The following LRP1B variants were observed in gnomAD, a reference collection of about 807,000 sequenced individuals.
The protein encoded by LRP1B is LDL receptor related protein 1B.
A neutral mutation model predicts 556.6 loss-of-function variants in LRP1B; 217 were observed. The observed-to-expected ratio is 0.39, with a 90% CI of 0.35 to 0.44. The LOEUF is 0.44. Ranked by LOEUF, LRP1B falls within the 20% of genes least tolerant of loss-of-function variation. The pLI, the probability that LRP1B is intolerant of heterozygous loss-of-function variation, is 1.00. For missense variants in LRP1B, 5,053 were observed against 5,620.8 expected (o/e 0.90, Z 3.23); for synonymous variants, 2,047 against 1,865.8 (o/e 1.10, Z -2.50).
intron 41 of LRP1B, among the ~76,000 whole-genome samples, chr2:140,688,980 G>A (rs1029480736): frequency 6.6e-6 from 1 of 152,190 alleles, no homozygotes; most frequent in African/African-American, 2.4e-5. Context: ...GTTGTTTTAA[G>A]TCACTGAATT....
Position 140,503,796 on chromosome 2 carries a change from C to T in LRP1B, c.8522-693G>A, listed in dbSNP as rs542043921. ...TTGTCAACTATAAAAACAGTTATTCCTAGTAGAACTTTCTGATAAATATGG... is the reference window on the plus strand; with the variant it reads ...TTGTCAACTATAAAAACAGTTATTCTTAGTAGAACTTTCTGATAAATATGG... On this transcript the variant is annotated intron_variant, in intron 53 of 90. Transcript: ENST00000389484. Among the ~76,000 whole-genome samples the T allele has an allele frequency of 2.0e-5, 3 of 152,002 alleles. No individual in the cohort carries two copies. The East Asian group carries it at 5.8e-4, about 29-fold the overall frequency.
At chr2:140,355,963 C>T (rs1195580973) in intron 75 of LRP1B, among the ~76,000 whole-genome samples, 2 of 151,784 alleles carry the variant, frequency 1.3e-5, no homozygotes, top group Admixed American at 1.3e-4. Context: ...TTACCTATTC[C>T]AGTATTGCAA....
chr2:141,521,070 T>C (rs566161163), intron 2 of LRP1B, among the ~76,000 whole-genome samples: 1 of 152,208 alleles, frequency 6.6e-6, no homozygotes, highest in Non-Finnish European at 1.5e-5. Flanking sequence ...ACAATCAACC[T>C]TAATAGAAAA....
At chr2:140,666,122 T>C (rs1032587303) in intron 41 of LRP1B, among the ~76,000 whole-genome samples, 14 of 151,828 alleles carry the variant, frequency 9.2e-5, no homozygotes, top group Non-Finnish European at 1.6e-4. Context: ...GCCTCCCGAG[T>C]AGTTGGGACT....
chr2:141,410,380 T>C (rs912142459), intron 3 of LRP1B, among the ~76,000 whole-genome samples: 1 of 152,034 alleles, frequency 6.6e-6, no homozygotes, highest in Admixed American at 6.6e-5. Flanking sequence ...ACTGTGGTTC[T>C]CTCATACAAG....
chr2:141,993,458 GCATCGGCTCC>G (rs903184814), intron 1 of LRP1B, among the ~76,000 whole-genome samples: 5 of 151,890 alleles, frequency 3.3e-5, no homozygotes, highest in Non-Finnish European at 5.9e-5. Context: ...CAATCTTCTA[GCATCGGCTCC>G]CATTGGTAAT....
intron 2 of LRP1B, among the ~76,000 whole-genome samples, chr2:141,614,370 T>C (rs777903877): frequency 6.6e-6 from 1 of 152,192 alleles, no homozygotes; most frequent in Non-Finnish European, 1.5e-5. Flanking sequence ...CCATCTATAA[T>C]ATGCCATACA....
At chr2:140,583,649 A>C (rs1416153974) in intron 43 of LRP1B, among the ~76,000 whole-genome samples, 1 of 152,072 alleles carries the variant, frequency 6.6e-6, no homozygotes, top group East Asian at 1.9e-4. Context: ...TCTTTTAGTA[A>C]TTTAACAATG....
At chr2:141,106,762 C>G (rs9287305) in intron 7 of LRP1B, among the ~76,000 whole-genome samples, 45,232 of 152,000 alleles carry the variant, frequency 0.3, 7,221 homozygotes, top group East Asian at 0.64. Flanking sequence ...CTGAACTATT[C>G]TGTAGCGTTC....
At chr2:141,246,722 T>G (rs940806125) in intron 5 of LRP1B, among the ~76,000 whole-genome samples, 7 of 152,128 alleles carry the variant, frequency 4.6e-5, no homozygotes, top group Non-Finnish European at 7.4e-5. Context: ...CCCAGCACTT[T>G]GGGAGGCCTT....
intron 2 of LRP1B, among the ~76,000 whole-genome samples, chr2:141,677,397 T>C (rs1690925398): frequency 6.6e-6 from 1 of 152,170 alleles, no homozygotes; most frequent in Admixed American, 6.5e-5. Flanking sequence ...GAAAATCTTA[T>C]TCAAAGTACT....
chr2:141,199,028 A>G (rs769760251), intron 6 of LRP1B, among the ~76,000 whole-genome samples: 1 of 152,070 alleles, frequency 6.6e-6, no homozygotes. Context: ...TTCTAGACCC[A>G]CTGTAAAGTT....
At position 141,564,200 on chromosome 2, in the gene LRP1B, C is replaced by A. The variant is rs567581493; in HGVS notation, c.206-83667G>T. Among the ~76,000 whole-genome samples the A allele has an allele frequency of 2.0e-5, 3 of 151,992 alleles. No homozygotes were observed. In the East Asian group the frequency reaches 5.8e-4, roughly 29 times the overall value. Reference sequence around the variant, plus strand: ...AAAGATTCTAGTACATAATCAGAACCTTTAAATGTGGACTATAAGAGAGAT... The same window carrying A: ...AAAGATTCTAGTACATAATCAGAACATTTAAATGTGGACTATAAGAGAGAT... On this transcript the variant is annotated intron_variant, in intron 2 of 90. Coordinates refer to ENST00000389484, the MANE Select transcript of LRP1B (RefSeq NM_018557.3).
intron 1 of LRP1B, among the ~76,000 whole-genome samples, chr2:141,988,080 T>C (rs1363462642): frequency 6.6e-6 from 1 of 151,894 alleles, no homozygotes; most frequent in Non-Finnish European, 1.5e-5. Flanking sequence ...ATAGAATCAA[T>C]AACTCATTCT....
At chr2:140,893,532 C>A (rs1693860779) in intron 23 of LRP1B, among the ~76,000 whole-genome samples, 1 of 152,152 alleles carries the variant, frequency 6.6e-6, no homozygotes, top group Admixed American at 6.5e-5. Flanking sequence ...TCACCCTGAG[C>A]AAATCAAGTA....
At chr2:142,116,299 T>C (rs1459716184) in intron 1 of LRP1B, among the ~76,000 whole-genome samples, 1 of 150,656 alleles carries the variant, frequency 6.6e-6, no homozygotes, top group African/African-American at 2.4e-5. Context: ...TTCCCAAGGG[T>C]ATACTGAGTA....
At chr2:140,904,578 T>C (rs575587579) in intron 22 of LRP1B, among the ~76,000 whole-genome samples, 1 of 152,248 alleles carries the variant, frequency 6.6e-6, no homozygotes, top group East Asian at 1.9e-4. Context: ...CTTCTTCATA[T>C]AATTTGTCAC....
intron 62 of LRP1B, among the ~76,000 whole-genome samples, chr2:140,451,074 T>G (rs1017566113): frequency 2.0e-5 from 3 of 152,194 alleles, no homozygotes; most frequent in Non-Finnish European, 4.4e-5. Context: ...CCAGAGTAGC[T>G]GGGACTATAG....
intron 2 of LRP1B, among the ~76,000 whole-genome samples, chr2:141,488,417 T>A (rs1027640456): frequency 5.3e-5 from 8 of 152,156 alleles, no homozygotes; most frequent in Non-Finnish European, 1.2e-4. Flanking sequence ...TTGATTGTAT[T>A]TTTTAAATTA....
Sources: gnomAD v4.1 joint callset for allele counts (sites outside exome capture counted in the v4.1 genomes callset) on GRCh38, gnomAD v4.1.1 for gene constraint, MANE v1.5 for transcripts, NCBI Gene and HGNC (gene_info 2026-07-23, HGNC 2026-07-21) for gene names.